Variants in RTTN observed in about 807,000 individuals in gnomAD.
RTTN encodes rotatin.
Under a neutral mutation model 269.2 loss-of-function variants are expected in RTTN, and 182 were observed. The observed-to-expected ratio is 0.68, with a 90% CI of 0.60 to 0.76. The LOEUF is 0.76. RTTN is among the 30% of genes least tolerant of loss of function. The pLI is 0.00. For synonymous variants in RTTN, 1,006 were observed against 963.5 expected, an observed-to-expected ratio of 1.04 and a Z score of -0.82; for missense variants, 2,545 against 2,608.6, an observed-to-expected ratio of 0.98 and a Z score of 0.53.
At position 70,067,085 on chromosome 18, in the gene RTTN, T is replaced by C. The variant is rs1195130907; in HGVS notation, c.4654-1163A>G. Among the ~76,000 whole-genome samples, 4 of 151,512 alleles carry C rather than the reference T, an allele frequency of 2.6e-5. No homozygotes were observed. The East Asian group carries it at 5.8e-4, about 22-fold the overall frequency. ...AAAAAGTTCAGTCTAAATAAGTCAATCATAAACAAACATCAAATGCCTTAT... is the reference window on the plus strand; with the variant it reads ...AAAAAGTTCAGTCTAAATAAGTCAACCATAAACAAACATCAAATGCCTTAT... On this transcript the variant is annotated intron_variant, in intron 34 of 48. Transcript: ENST00000640769.
intron 11 of RTTN, among the ~76,000 whole-genome samples, chr18:70,170,282 A>T (rs939681803): frequency 3.9e-5 from 6 of 152,224 alleles, no homozygotes; most frequent in Non-Finnish European, 5.9e-5. Flanking sequence ...AGCAAAATAC[A>T]ACCTCTGCCC....
At chr18:70,139,988 G>A (rs1412280910) in intron 20 of RTTN, 112 bp downstream of exon 20, 2 of 747,372 alleles carry the variant, frequency 2.7e-6, no homozygotes, top group African/African-American at 3.6e-5. Flanking sequence ...GATAGGAGGT[G>A]TTACTTAGAA....
At chr18:70,115,274 A>G (rs1427726848) in intron 26 of RTTN, among the ~76,000 whole-genome samples, 1 of 151,970 alleles carries the variant, frequency 6.6e-6, no homozygotes, top group Admixed American at 6.6e-5. Flanking sequence ...GAAAAGACCC[A>G]CAGCACCCAA....
intron 30 of RTTN, among the ~76,000 whole-genome samples, chr18:70,090,646 G>A (rs1013046938): frequency 6.6e-6 from 1 of 152,140 alleles, no homozygotes; most frequent in African/African-American, 2.4e-5. Context: ...ATGATTCAGA[G>A]ATCCCCAGGC....
chr18:70,050,306 G>A (rs1338462459), intron 39 of RTTN, among the ~76,000 whole-genome samples: 2 of 151,934 alleles, frequency 1.3e-5, no homozygotes, highest in South Asian at 2.1e-4. Context: ...TTATGCGGCC[G>A]ACAAACATGA....
At chr18:70,032,643 T>C (rs2057050458) in intron 40 of RTTN, among the ~76,000 whole-genome samples, 1 of 152,198 alleles carries the variant, frequency 6.6e-6, no homozygotes, top group African/African-American at 2.4e-5. Context: ...CCTAAATATA[T>C]ATGCACTAAA....
At chr18:70,202,965 A>C (rs1481075047) in intron 3 of RTTN, among the ~76,000 whole-genome samples, 3 of 151,494 alleles carry the variant, frequency 2.0e-5, no homozygotes, top group Non-Finnish European at 4.4e-5. Context: ...TAAGCATCAA[A>C]ACTTTTTTTT....
intron 39 of RTTN, 108 bp downstream of exon 39, chr18:70,051,303 C>T (rs2057659727): frequency 1.6e-6 from 2 of 1,276,534 alleles, no homozygotes; most frequent in South Asian, 3.6e-5. Context: ...CTTTTATATG[C>T]CATGCTATAA....
chr18:70,126,851 T>C lies in RTTN; in HGVS notation c.3383+651A>G, dbSNP rs574257591. Among the ~76,000 whole-genome samples, 3 of 152,278 alleles carry C rather than the reference T, an allele frequency of 2.0e-5. No homozygotes were observed. In the South Asian group the frequency reaches 6.2e-4, roughly 32 times the overall value. On this transcript the variant is annotated intron_variant, in intron 25 of 48. Transcript: ENST00000640769. ...AAGGAATTCATATTTTGGAAACTCA[T>C]TTAACCTAGCAGCTTAAAAACTGCA...
At chr18:70,075,622 G>A (rs2058409038) in intron 32 of RTTN, 81 bp from the exon 33 acceptor site, 1 of 1,111,808 alleles carries the variant, frequency 9.0e-7, no homozygotes, top group Non-Finnish European at 1.2e-6. Context: ...CTCCTCTCGA[G>A]GAAACAAATG....
chr18:70,203,924 C>T (rs187500121), intron 3 of RTTN, among the ~76,000 whole-genome samples, 162 bp downstream of exon 3: 1 of 152,150 alleles, frequency 6.6e-6, no homozygotes, highest in Admixed American at 6.5e-5. Context: ...CTTTGACTAA[C>T]AGTAGAGGAG....
intron 30 of RTTN, among the ~76,000 whole-genome samples, chr18:70,089,929 A>G (rs187580493): frequency 2.1e-3 from 314 of 152,326 alleles, no homozygotes; most frequent in African/African-American, 7.4e-3. Flanking sequence ...AAGAAACAAG[A>G]ACAAGATTTG....
At chr18:70,151,140 T>C (rs2060526304) in intron 14 of RTTN, among the ~76,000 whole-genome samples, 1 of 148,242 alleles carries the variant, frequency 6.7e-6, no homozygotes, top group Non-Finnish European at 1.5e-5. Flanking sequence ...CATAACTTTA[T>C]ATACTATATA....
chr18:70,036,412 G>A (rs755696905), intron 40 of RTTN, among the ~76,000 whole-genome samples: 1 of 152,164 alleles, frequency 6.6e-6, no homozygotes, highest in Non-Finnish European at 1.5e-5. Context: ...GTTGGAGCTC[G>A]AGGCCATGAT....
chr18:70,185,612 G>A (rs2061526644), intron 10 of RTTN, among the ~76,000 whole-genome samples: 1 of 152,026 alleles, frequency 6.6e-6, no homozygotes, highest in Non-Finnish European at 1.5e-5. Context: ...TTATACTAAG[G>A]CTTCTAGCCA....
intron 27 of RTTN, among the ~76,000 whole-genome samples, chr18:70,111,836 C>A (rs187828847): frequency 2.4e-3 from 359 of 152,224 alleles, no homozygotes; most frequent in Admixed American, 4.0e-3. Context: ...AATGCATAAT[C>A]ATCAAGACAC....
intron 14 of RTTN, among the ~76,000 whole-genome samples, chr18:70,157,564 C>A (rs1298761833): frequency 6.6e-6 from 1 of 152,160 alleles, no homozygotes; most frequent in Non-Finnish European, 1.5e-5. Context: ...GCCAGAATGT[C>A]TTCTTATTTT....
chr18:70,171,639 T>A (rs1005776362), intron 11 of RTTN, among the ~76,000 whole-genome samples: 3 of 152,130 alleles, frequency 2.0e-5, no homozygotes, highest in Non-Finnish European at 2.9e-5. Flanking sequence ...TCACATGCCA[T>A]CAGAACTAAA....
rs559966716 is a variant in RTTN, at chr18:70,047,128, T to C, written c.5541+843A>G. 2.0e-5 allele frequency among the ~76,000 whole-genome samples: 3 copies of C among 152,236 alleles called. No homozygotes were observed. In the East Asian group the frequency reaches 5.8e-4, roughly 29 times the overall value. On this transcript the variant is annotated intron_variant, in intron 40 of 48. Transcript: ENST00000640769. ...AATCTTCTAAGCAACAAAGGAATTA[T>C]AACAAACCAGCACACAGACAATCTT...
Sources: gnomAD v4.1 joint callset for allele counts (sites outside exome capture counted in the v4.1 genomes callset) on GRCh38, gnomAD v4.1.1 for gene constraint, MANE v1.5 for transcripts, NCBI Gene and HGNC (gene_info 2026-07-23, HGNC 2026-07-21) for gene names.